Variants in PRKCH observed in about 807,000 individuals in gnomAD.
PRKCH encodes protein kinase C eta type.
In PRKCH, 28 loss-of-function variants were observed where a neutral mutation model predicts 82.5. The observed-to-expected ratio is 0.34, with a 90% CI of 0.25 to 0.47. PRKCH has a LOEUF of 0.47. PRKCH is among the 20% of genes least tolerant of loss of function. The pLI is 1.00. For synonymous variants in PRKCH, 322 were observed against 327.4 expected, an observed-to-expected ratio of 0.98 and a Z score of 0.18; for missense variants, 705 against 881.8, an observed-to-expected ratio of 0.80 and a Z score of 2.54.
rs118084696 is a variant in PRKCH, at chr14:61,275,264, T to C, written c.-19+87596T>C. On this transcript the variant is annotated intron_variant, in intron 1 of 3. Transcript: ENST00000555185. ...GAGTTCTGTACAAAACTGAGCAAAA[T>C]ATAAAGGAATATATTTCTACCTCAT... is the stretch of plus-strand genomic sequence containing the variant. Among the ~76,000 whole-genome samples, 262 of 152,318 alleles carry C rather than the reference T, an allele frequency of 1.7e-3. 5 individuals are homozygous for C. In the East Asian group the frequency reaches 0.042, roughly 25 times the overall value.
In PRKCH at chr14:61,372,844, AC is replaced by A. The variant is rs571967501; in HGVS notation, c.364-18380del. ...GTGCTATAAAGTTCTATGGGTTTTAACAAATGCTTAGTGTTCTCTGTCTACC... is the reference window on the plus strand; with the variant it reads ...GTGCTATAAAGTTCTATGGGTTTTAAAAATGCTTAGTGTTCTCTGTCTACC... On this transcript the variant is annotated intron_variant, in intron 1 of 13. Coordinates refer to ENST00000332981, the MANE Select transcript of PRKCH (RefSeq NM_006255.5). 1.6e-3 allele frequency among the ~76,000 whole-genome samples: 244 copies of A among 152,210 alleles called. 5 individuals are homozygous for A. The highest frequency in any genetic ancestry group is 5.4e-3 in the African/African-American group (225 of 41,470).
At chr14:61,499,418 A>G (rs2139946943) in intron 10 of PRKCH, among the ~76,000 whole-genome samples, 1 of 152,250 alleles carries the variant, frequency 6.6e-6, no homozygotes, top group South Asian at 2.1e-4. Flanking sequence ...CACACCCTGG[A>G]GAACAGTGTC....
intron 1 of PRKCH, among the ~76,000 whole-genome samples, chr14:61,251,452 A>C (rs756256382): frequency 1.2e-4 from 18 of 152,162 alleles, no homozygotes; most frequent in Non-Finnish European, 2.6e-4. Context: ...GATCACGGGA[A>C]GTTTGTCTTT....
At chr14:61,363,636 C>G (rs550052164) in intron 1 of PRKCH, among the ~76,000 whole-genome samples, 1 of 152,198 alleles carries the variant, frequency 6.6e-6, no homozygotes, top group Admixed American at 6.5e-5. Context: ...GAATGTGAGT[C>G]TGACGCTCTG....
intron 1 of PRKCH, among the ~76,000 whole-genome samples, chr14:61,267,987 T>C (rs2045118707): frequency 6.6e-6 from 1 of 152,214 alleles, no homozygotes; most frequent in African/African-American, 2.4e-5. Context: ...AAGAAAAATA[T>C]ATTTAAAATA....
intron 1 of PRKCH, among the ~76,000 whole-genome samples, chr14:61,282,719 A>T (rs2045282635): frequency 6.6e-6 from 1 of 152,186 alleles, no homozygotes; most frequent in Non-Finnish European, 1.5e-5. Flanking sequence ...AAAAAGTAAT[A>T]TTGATTTAAT....
At chr14:61,414,213 C>A (rs1336812756) in intron 2 of PRKCH, among the ~76,000 whole-genome samples, 1 of 152,148 alleles carries the variant, frequency 6.6e-6, no homozygotes, top group Non-Finnish European at 1.5e-5. Flanking sequence ...GGTCTCTCCC[C>A]TGAGTTCCAG....
intron 12 of PRKCH, chr14:61,538,033 A>C (rs1594796057): frequency 6.6e-6 from 1 of 151,224 alleles, no homozygotes; most frequent in African/African-American, 2.4e-5. Context: ...TCATTTCCCT[A>C]CTCCCCTCCT....
intron 1 of PRKCH, among the ~76,000 whole-genome samples, chr14:61,314,770 A>T (rs1054302549): frequency 1.3e-5 from 2 of 151,582 alleles, no homozygotes; most frequent in African/African-American, 4.9e-5. Flanking sequence ...CCTTCCCTTT[A>T]TTCTCTCTCT....
Position 61,250,844 on chromosome 14 carries a change from C to G in PRKCH, c.-19+63176C>G, listed in dbSNP as rs149951713. 2.1e-3 allele frequency among the ~76,000 whole-genome samples: 326 copies of G among 151,912 alleles called. 1 individual carries two copies. The highest frequency in any genetic ancestry group is 6.7e-3 in the African/African-American group (275 of 41,338). On this transcript the variant is annotated intron_variant, in intron 1 of 3. Transcript: ENST00000555185. ...ATGTGGGGCAAGAAGTAGATGGGAA[C>G]TCTCTATATTTTCTGCTCAATTTTT... is the stretch of plus-strand genomic sequence containing the variant.
chr14:61,216,519 G>C (rs746728793), intron 1 of PRKCH, among the ~76,000 whole-genome samples: 7 of 151,986 alleles, frequency 4.6e-5, no homozygotes, highest in Non-Finnish European at 1.0e-4. Flanking sequence ...AAAGTCAAAG[G>C]TTGCAAAGAA....
chr14:61,193,019 T>C (rs1246519618), intron 1 of PRKCH, among the ~76,000 whole-genome samples: 1 of 152,194 alleles, frequency 6.6e-6, no homozygotes, highest in Non-Finnish European at 1.5e-5. Context: ...GGTTATGTTT[T>C]TTCTGTTAAG....
At chr14:61,455,508 GGTCT>G (rs1223871522) in intron 7 of PRKCH, among the ~76,000 whole-genome samples, 2 of 152,226 alleles carry the variant, frequency 1.3e-5, no homozygotes, top group Non-Finnish European at 2.9e-5. Flanking sequence ...TTTGAAATCC[GGTCT>G]GTCTGTCTTG....
chr14:61,342,241 A>AGAT (rs1476423122), intron 1 of PRKCH, among the ~76,000 whole-genome samples: 3 of 151,788 alleles, frequency 2.0e-5, no homozygotes, highest in Non-Finnish European at 4.4e-5. Flanking sequence ...TTCAAGCAGA[A>AGAT]GATGGTGAAG....
At chr14:61,322,537 G>T in intron 1 of PRKCH, 73 bp downstream of exon 1, 1 of 1,509,778 alleles carries the variant, frequency 6.6e-7, no homozygotes, top group Non-Finnish European at 8.9e-7. Context: ...AAACTCACCC[G>T]GGTCCCGCTT....
chr14:61,244,987 A>G (rs1228795921), intron 1 of PRKCH, among the ~76,000 whole-genome samples: 2 of 152,200 alleles, frequency 1.3e-5, no homozygotes, highest in Non-Finnish European at 2.9e-5. Context: ...AACTTTGGTA[A>G]ACCTACTATA....
chr14:61,501,761 A>G (rs1484643059), intron 10 of PRKCH, among the ~76,000 whole-genome samples: 1 of 152,198 alleles, frequency 6.6e-6, no homozygotes, highest in African/African-American at 2.4e-5. Flanking sequence ...AAATTAATGC[A>G]TATACATAAA....
chr14:61,443,885 A>T (rs984791242), intron 3 of PRKCH, among the ~76,000 whole-genome samples: 1 of 152,264 alleles, frequency 6.6e-6, no homozygotes, highest in Non-Finnish European at 1.5e-5. Context: ...TTTAAGCAGT[A>T]GTTATCTTTA....
At chr14:61,464,519 C>A (rs970171647) in intron 9 of PRKCH, among the ~76,000 whole-genome samples, 25 of 152,276 alleles carry the variant, frequency 1.6e-4, no homozygotes, top group Admixed American at 1.3e-4. Flanking sequence ...GCCCCGAATG[C>A]ATTAGGTATT....
Sources: allele counts gnomAD v4.1 joint callset (sites outside exome capture counted in the v4.1 genomes callset), GRCh38; gene constraint gnomAD v4.1.1; transcripts MANE v1.5; gene names NCBI Gene and HGNC (gene_info 2026-07-23, HGNC 2026-07-21).